Variants in TMEM272 observed in about 807,000 individuals in gnomAD.
TMEM272 encodes long intergenic non-protein coding RNA 282.
A neutral mutation model predicts 3.7 loss-of-function variants in TMEM272; 8 were observed. That is an observed-to-expected ratio of 2.17 (90% CI 1.27 to 3.91). The LOEUF (loss-of-function observed/expected upper bound fraction) is 3.91, where lower values mean the gene tolerates loss of function less well. Among genes scored for constraint, TMEM272 ranks in the 30% most tolerant of loss-of-function variants. The pLI is 0.00. For synonymous variants in TMEM272, 63 were observed against 39.8 expected, an observed-to-expected ratio of 1.58 and a Z score of -2.20; for missense variants, 166 against 91.5, an observed-to-expected ratio of 1.81 and a Z score of -3.32.
chr13:51,816,692 T>C lies in TMEM272; in HGVS notation c.*59A>G. 1 of 643,964 alleles carries C rather than the reference T, an allele frequency of 1.6e-6. No individual in the cohort carries two copies. The highest frequency in any genetic ancestry group is 2.8e-6 in the Non-Finnish European group (1 of 352,030). The allele number at this position is 643,964 out of a possible 1,614,324, so 39.9% of individuals were successfully genotyped here. On this transcript the variant is annotated 3_prime_UTR_variant, in exon 5 of 5. Transcript: ENST00000629372. The stretch of plus-strand genomic sequence containing the variant: ...GTGTGTGTGTGCGTCTGTGTGTCTG[T>C]GTGCACGCGCGTGCATGCACACGCA...
At chr13:51,919,398 G>A in the TMEM272 span, among the ~76,000 whole-genome samples, 1 of 151,980 alleles carries the variant, frequency 6.6e-6, no homozygotes, top group African/African-American at 2.4e-5. Context: ...TGAAGGCCCC[G>A]ACACACCTCT....
chr13:51,817,235 G>A, intron 4 of TMEM272, 122 bp from the exon 5 acceptor site: 2 of 587,724 alleles, frequency 3.4e-6, no homozygotes, highest in South Asian at 2.1e-5. Context: ...AGAGAGGAAG[G>A]TGTTATGAAA....
chr13:51,899,018 T>C, the TMEM272 span, among the ~76,000 whole-genome samples: 1 of 152,198 alleles, frequency 6.6e-6, no homozygotes, highest in Non-Finnish European at 1.5e-5. Flanking sequence ...ACTGCATGTC[T>C]TACTCCCACA....
chr13:51,837,313 C>T (rs1352539413), intron 2 of TMEM272, among the ~76,000 whole-genome samples: 1 of 152,026 alleles, frequency 6.6e-6, no homozygotes. Flanking sequence ...ACTAATTTCC[C>T]GAAGATGTAG....
At chr13:51,860,818 AGTGTGT>A in the TMEM272 span, among the ~76,000 whole-genome samples, 1 of 144,200 alleles carries the variant, frequency 6.9e-6, no homozygotes, top group Non-Finnish European at 1.5e-5. Flanking sequence ...TATATATAGA[AGTGTGT>A]GTGTGTGTGT....
At chr13:51,903,364 A>G in the TMEM272 span, among the ~76,000 whole-genome samples, 2 of 152,218 alleles carry the variant, frequency 1.3e-5, no homozygotes, top group South Asian at 4.1e-4. Context: ...TTGGTTTCCA[A>G]TAAGACACTT....
chr13:51,908,108 T>C, the TMEM272 span: 2 of 470,914 alleles, frequency 4.2e-6, no homozygotes, highest in Non-Finnish European at 4.0e-6. Flanking sequence ...ATTATAATTC[T>C]ATTGTTTCAA....
the TMEM272 span, among the ~76,000 whole-genome samples, chr13:51,926,242 T>C: frequency 9.2e-4 from 140 of 152,262 alleles, no homozygotes; most frequent in African/African-American, 3.2e-3. Context: ...AGGCTCAGCA[T>C]GGGCTCAGGA....
chr13:51,861,325 T>C, the TMEM272 span, among the ~76,000 whole-genome samples: 1 of 152,132 alleles, frequency 6.6e-6, no homozygotes, highest in Non-Finnish European at 1.5e-5. Flanking sequence ...TTAAAGATTT[T>C]TGCTAAGAGA....
At chr13:51,898,500 C>T in the TMEM272 span, among the ~76,000 whole-genome samples, 1 of 151,648 alleles carries the variant, frequency 6.6e-6, no homozygotes, top group East Asian at 1.9e-4. Flanking sequence ...GCTACCACTA[C>T]ATAAATATCA....
the TMEM272 span, among the ~76,000 whole-genome samples, chr13:51,903,917 T>C: frequency 3.6e-5 from 5 of 140,286 alleles, no homozygotes; most frequent in Non-Finnish European, 6.3e-5. Context: ...TATGACACCA[T>C]TTGGGTTTCT....
At chr13:51,897,941 A>AAAAAG in the TMEM272 span, among the ~76,000 whole-genome samples, 4 of 147,968 alleles carry the variant, frequency 2.7e-5, no homozygotes, top group Non-Finnish European at 3.0e-5. Context: ...AAAAAAAAAA[A>AAAAAG]GGGCTGGGCG....
chr13:51,890,238 G>A, the TMEM272 span, among the ~76,000 whole-genome samples: 3 of 152,136 alleles, frequency 2.0e-5, no homozygotes, highest in Non-Finnish European at 4.4e-5. Flanking sequence ...GTTGAAATTC[G>A]ATCTCCAATA....
the TMEM272 span, among the ~76,000 whole-genome samples, chr13:51,862,461 A>T: frequency 6.6e-6 from 1 of 152,154 alleles, no homozygotes; most frequent in African/African-American, 2.4e-5. Flanking sequence ...TTTCTTTCTT[A>T]AAGAAAGTTT....
chr13:51,842,434 G>T (rs1956271488), intron 1 of TMEM272, among the ~76,000 whole-genome samples: 1 of 152,194 alleles, frequency 6.6e-6, no homozygotes, highest in African/African-American at 2.4e-5. Context: ...CAGAAAAGGA[G>T]TAAGTCCACC....
At chr13:51,879,566 A>G in the TMEM272 span, among the ~76,000 whole-genome samples, 1 of 152,228 alleles carries the variant, frequency 6.6e-6, no homozygotes, top group South Asian at 2.1e-4. Flanking sequence ...TCAGAGGAAG[A>G]TTTGGAATAG....
chr13:51,907,237 T>G, the TMEM272 span, among the ~76,000 whole-genome samples: 1 of 152,192 alleles, frequency 6.6e-6, no homozygotes, highest in African/African-American at 2.4e-5. Flanking sequence ...AGAGGCCACA[T>G]GAAGACAGAG....
At chr13:51,835,859 T>C (rs186434301) in intron 2 of TMEM272, among the ~76,000 whole-genome samples, 1 of 152,268 alleles carries the variant, frequency 6.6e-6, no homozygotes, top group Admixed American at 6.5e-5. Context: ...AATCCCAGTG[T>C]GCATTTCCTG....
chr13:51,845,654 T>G (rs1444680318), upstream of TMEM272, among the ~76,000 whole-genome samples: 1 of 152,218 alleles, frequency 6.6e-6, no homozygotes, highest in Non-Finnish European at 1.5e-5. Context: ...GTCATAAACT[T>G]TGTAACAGTG....
Sources: gnomAD v4.1 joint callset for allele counts (sites outside exome capture counted in the v4.1 genomes callset) on GRCh38, gnomAD v4.1.1 for gene constraint, MANE v1.5 for transcripts, NCBI Gene and HGNC (gene_info 2026-07-23, HGNC 2026-07-21) for gene names.